PKHD1: variants seen among roughly 807,000 people sequenced by gnomAD.
PKHD1 encodes fibrocystin.
A neutral mutation model predicts 412.0 loss-of-function variants in PKHD1; 291 were observed. That is an observed-to-expected ratio of 0.71 (90% confidence interval 0.64 to 0.78). The LOEUF is 0.78. Among genes scored for constraint, PKHD1 ranks in the 30% least tolerant of loss-of-function variants. The probability of loss-of-function intolerance (pLI) is 0.00; values close to 1 mark genes in which losing one functional copy is unlikely to be tolerated. For synonymous variants in PKHD1, 1,777 were observed against 1,821.5 expected (o/e 0.98, Z 0.62); for missense variants, 4,825 against 4,950.7 (o/e 0.97, Z 0.76).
At chr6:51,940,755 C>T (rs893444324) in intron 36 of PKHD1, among the ~76,000 whole-genome samples, 37 of 151,628 alleles carry the variant, frequency 2.4e-4, no homozygotes, top group African/African-American at 8.0e-4. Flanking sequence ...TTAGTCAATA[C>T]GGAGGCTACC....
intron 44 of PKHD1, 146 bp downstream of exon 44, chr6:51,886,987 A>G: frequency 2.9e-6 from 2 of 694,148 alleles, no homozygotes; most frequent in Non-Finnish European, 5.3e-6. Context: ...TATGTCAATT[A>G]TACCTCAAAA....
At chr6:51,949,354 C>T (rs1789960201) in intron 36 of PKHD1, among the ~76,000 whole-genome samples, 1 of 152,164 alleles carries the variant, frequency 6.6e-6, no homozygotes, top group African/African-American at 2.4e-5. Flanking sequence ...TCCTGCTCTG[C>T]CTGGGTAAGG....
chr6:51,690,880 C>T (rs770621565), intron 60 of PKHD1, among the ~76,000 whole-genome samples: 6 of 152,074 alleles, frequency 3.9e-5, no homozygotes, highest in Non-Finnish European at 8.8e-5. Flanking sequence ...AACAGTCAAC[C>T]TACAGAATGG....
Position 51,659,846 on chromosome 6 carries a change from A to G in PKHD1, c.10280T>C (p.Leu3427Ser). 6.2e-7 allele frequency: 1 copy of G among 1,613,870 alleles called. No individual in the cohort carries two copies. The highest frequency in any genetic ancestry group is 8.5e-7 in the Non-Finnish European group (1 of 1,179,850). Residue 3427 changes from leucine to serine, a missense_variant, in exon 61 of 67, where the codon TTA (leucine) becomes TCA (serine). Physicochemically the swap from Leu to Ser is moderately radical, Grantham distance 145. Coordinates refer to ENST00000371117, the MANE Select transcript of PKHD1 (RefSeq NM_138694.4). Reference protein sequence around the residue: ...SADAIWAIQKLYPVVSVTSGF... With the variant: ...SADAIWAIQKSYPVVSVTSGF... ...ACTAGTCACAGATACAACTGGATATAACTTCTGAATTGCCCAAATGGCATC... is the reference window on the plus strand; with the variant it reads ...ACTAGTCACAGATACAACTGGATATGACTTCTGAATTGCCCAAATGGCATC...
chr6:51,651,210 G>A (rs1770907867), intron 61 of PKHD1, among the ~76,000 whole-genome samples: 1 of 152,132 alleles, frequency 6.6e-6, no homozygotes, highest in African/African-American at 2.4e-5. Flanking sequence ...GCATCTCACT[G>A]GAGGTCACAG....
chr6:51,900,055 G>A (rs1027756053), intron 43 of PKHD1, among the ~76,000 whole-genome samples: 8 of 152,262 alleles, frequency 5.3e-5, no homozygotes, highest in African/African-American at 1.4e-4. Flanking sequence ...ATGCTCATGG[G>A]TAGGAAGAAT....
intron 33 of PKHD1, among the ~76,000 whole-genome samples, chr6:52,019,973 T>C (rs1243522496): frequency 6.6e-6 from 1 of 152,196 alleles, no homozygotes; most frequent in Admixed American, 6.5e-5. Flanking sequence ...GAAAACATAT[T>C]AGTTCTGTGG....
At chr6:51,942,801 C>T (rs1351329667) in intron 36 of PKHD1, among the ~76,000 whole-genome samples, 4 of 151,574 alleles carry the variant, frequency 2.6e-5, no homozygotes, top group Non-Finnish European at 4.4e-5. Context: ...TACTTTCCAT[C>T]GTGGAAATCC....
At chr6:51,946,221 C>T (rs1303519004) in intron 36 of PKHD1, among the ~76,000 whole-genome samples, 2 of 152,060 alleles carry the variant, frequency 1.3e-5, no homozygotes, top group Admixed American at 6.5e-5. Context: ...GAATTATCTG[C>T]GTTGTCAGGA....
In PKHD1 at chr6:52,025,467, T is replaced by C. The variant is rs116809571; in HGVS notation, c.4343A>G (p.Glu1448Gly). 1,855 of 1,610,626 alleles carry C rather than the reference T, an allele frequency of 1.2e-3. 20 individuals are homozygous for C. In the African/African-American group the frequency reaches 0.021, roughly 18 times the overall value. Residue 1448 changes from glutamate to glycine, a missense_variant, in exon 32 of 67, where the codon GAG becomes GGG. By Grantham distance (98) the Glu-to-Gly change is moderately conservative (BLOSUM62 -2). Transcript: ENST00000371117. ...GGAAGCTCCAGGCAAGGGGTCACCC[T>C]CCAGGCTAACCTGGCAGAGAATGGT... ...DHTILCQVSLEGDPLPGASFS... is the reference protein window; with the variant it reads ...DHTILCQVSLGGDPLPGASFS...
In PKHD1 at chr6:52,084,955, T is replaced by C. The variant is rs779963806; in HGVS notation, c.-22A>G. 2.0e-6 allele frequency: 3 copies of C among 1,521,988 alleles called. No homozygotes were observed. Among genetic ancestry groups the C allele is most frequent in the Non-Finnish European group, 2.7e-6 (3 of 1,096,022 alleles). The allele number at this position is 1,521,988 out of a possible 1,614,324, so 94.3% of individuals were successfully genotyped here. A position where few individuals can be genotyped will look rare whatever the true frequency, so the allele number is the denominator to read the frequency against. ...TCATTCTGTCCACTTAAATCAATACTCTTAAGATTGCTCAGACATTAAAAG... is the reference window on the plus strand; with the variant it reads ...TCATTCTGTCCACTTAAATCAATACCCTTAAGATTGCTCAGACATTAAAAG... On this transcript the variant is annotated 5_prime_UTR_variant, in exon 2 of 67. Coordinates refer to ENST00000371117, the MANE Select transcript of PKHD1 (RefSeq NM_138694.4).
At chr6:51,866,017 G>C (rs1427759165) in intron 48 of PKHD1, among the ~76,000 whole-genome samples, 2 of 82,944 alleles carry the variant, frequency 2.4e-5, no homozygotes, top group African/African-American at 8.5e-5. Flanking sequence ...CCCAGTCTGA[G>C]AGTCTGCATT....
Position 51,667,727 on chromosome 6 carries a change from G to A in PKHD1, c.10157-7758C>T, listed in dbSNP as rs1308909987. Among the ~76,000 whole-genome samples, 6 of 149,332 alleles carry A rather than the reference G, an allele frequency of 4.0e-5. No homozygotes were observed. In the East Asian group the frequency reaches 9.8e-4, roughly 24 times the overall value. On this transcript the variant is annotated intron_variant, in intron 60 of 66. Transcript: ENST00000371117. ...CATCTTGAATTGATTTTTGTATAAG[G>A]TGTAAGGAAGGGATCCAGTTTCAGC...
At chr6:51,682,454 T>C (rs1401059272) in intron 60 of PKHD1, among the ~76,000 whole-genome samples, 1 of 152,080 alleles carries the variant, frequency 6.6e-6, no homozygotes, top group African/African-American at 2.4e-5. Flanking sequence ...TGCGCACAGA[T>C]TACTGAAGTA....
At chr6:51,917,494 G>A (rs568069839) in intron 37 of PKHD1, among the ~76,000 whole-genome samples, 157 of 152,172 alleles carry the variant, frequency 1.0e-3, no homozygotes, top group African/African-American at 3.7e-3. Context: ...GAAGTGCACT[G>A]TGCAAGGTGC....
intron 55 of PKHD1, among the ~76,000 whole-genome samples, chr6:51,766,039 C>G (rs905777064): frequency 3.3e-5 from 5 of 152,036 alleles, no homozygotes; most frequent in Admixed American, 2.0e-4. Flanking sequence ...ATAACCCGCC[C>G]CTTCACAGAA....
chr6:51,663,587 G>A lies in PKHD1; in HGVS notation c.10157-3618C>T, dbSNP rs1301220282. 5.3e-5 allele frequency among the ~76,000 whole-genome samples: 8 copies of A among 152,110 alleles called. No individual in the cohort carries two copies. In the South Asian group the frequency reaches 6.2e-4, roughly 12 times the overall value. ...GGGTCAACATTCTACCTCAAGCACA[G>A]TAGATGCTTTTAATATTTATTAGCT... On this transcript the variant is annotated intron_variant, in intron 60 of 66. Coordinates refer to ENST00000371117, the MANE Select transcript of PKHD1 (RefSeq NM_138694.4).
intron 60 of PKHD1, among the ~76,000 whole-genome samples, chr6:51,708,002 A>T (rs1039213795): frequency 6.6e-6 from 1 of 152,186 alleles, no homozygotes; most frequent in Non-Finnish European, 1.5e-5. Context: ...CCTTGGTTAC[A>T]TCTACAGGGT....
At chr6:51,945,946 C>T (rs530190696) in intron 36 of PKHD1, among the ~76,000 whole-genome samples, 2 of 152,280 alleles carry the variant, frequency 1.3e-5, no homozygotes, top group African/African-American at 4.8e-5. Context: ...CATGTGTGAA[C>T]CTAAGAAAGT....
Sources: gnomAD v4.1 joint callset for allele counts (sites outside exome capture counted in the v4.1 genomes callset) on GRCh38, gnomAD v4.1.1 for gene constraint, MANE v1.5 for transcripts, NCBI Gene and HGNC (gene_info 2026-07-23, HGNC 2026-07-21) for gene names.